The following ZNF487 variants were observed in gnomAD, a reference collection of about 807,000 sequenced individuals.
ZNF487 encodes zinc finger protein 487, also known as KRAB domain only 1.
In ZNF487, 4 loss-of-function variants were observed where a neutral mutation model predicts 3.0. The ratio of observed to expected loss-of-function variants is 1.35; its 90% CI spans 0.66 to 3.08. The LOEUF is 3.08. Among genes scored for constraint, ZNF487 ranks in the 30% most tolerant of loss-of-function variants. The pLI is 0.01. For synonymous variants in ZNF487, 55 were observed against 34.6 expected, an observed-to-expected ratio of 1.59 and a Z score of -2.06; for missense variants, 146 against 98.7, an observed-to-expected ratio of 1.48 and a Z score of -2.03.
At chr10:43,464,981 G>A (rs1163646088) in intron 1 of ZNF487, among the ~76,000 whole-genome samples, 2 of 151,622 alleles carry the variant, frequency 1.3e-5, no homozygotes, top group Non-Finnish European at 1.5e-5. Flanking sequence ...CGGATGGGGC[G>A]GCTGGCTGGG....
intron 1 of ZNF487, among the ~76,000 whole-genome samples, chr10:43,467,015 C>G (rs1362236858): frequency 6.6e-6 from 1 of 151,692 alleles, no homozygotes; most frequent in East Asian, 2.0e-4. Flanking sequence ...TTACAGGTGC[C>G]TGCTGCCACA....
the ZNF487 span, among the ~76,000 whole-genome samples, chr10:43,497,604 T>C: frequency 6.6e-6 from 1 of 152,148 alleles, no homozygotes; most frequent in African/African-American, 2.4e-5. Flanking sequence ...GGATGTTTGT[T>C]GAAGGTGTTC....
chr10:43,497,505 A>C, the ZNF487 span, among the ~76,000 whole-genome samples: 61 of 152,216 alleles, frequency 4.0e-4, no homozygotes, highest in African/African-American at 1.4e-3. Flanking sequence ...GGGAGCAGGC[A>C]GCAGTAAATC....
the ZNF487 span, among the ~76,000 whole-genome samples, chr10:43,504,979 T>TGC: frequency 1.1e-4 from 17 of 152,298 alleles, no homozygotes; most frequent in African/African-American, 4.1e-4. Context: ...GTGTTGGGAT[T>TGC]ACAGGCGTGA....
At chr10:43,522,913 T>A in the ZNF487 span, among the ~76,000 whole-genome samples, 2 of 152,184 alleles carry the variant, frequency 1.3e-5, no homozygotes, top group Non-Finnish European at 2.9e-5. Context: ...CTGGCAATTT[T>A]ACCTACTATT....
At chr10:43,498,099 ATTTTTTTTTTTTTTCTTTTT>A in the ZNF487 span, among the ~76,000 whole-genome samples, 42 of 20,122 alleles carry the variant, frequency 2.1e-3, no homozygotes, top group East Asian at 5.4e-3. Flanking sequence ...ATATATATAT[ATTTTTTTTTTTTTTCTTTTT>A]TTTTTTTTTT....
chr10:43,473,894 T>A (rs548898611), intron 1 of ZNF487, among the ~76,000 whole-genome samples: 1 of 152,192 alleles, frequency 6.6e-6, no homozygotes, highest in South Asian at 2.1e-4. Flanking sequence ...ATGCAGTGAC[T>A]TATTCCTGTA....
At chr10:43,522,823 A>G in the ZNF487 span, among the ~76,000 whole-genome samples, 3 of 152,214 alleles carry the variant, frequency 2.0e-5, no homozygotes, top group Non-Finnish European at 2.9e-5. Context: ...ACAGCAGGAG[A>G]TAAAAACCTA....
Position 43,481,533 on chromosome 10 carries a change from AATGGTGT to A in ZNF487, c.238_244del (p.Gly80Ter), listed in dbSNP as rs1841358453. On this transcript the variant is annotated frameshift_variant, in exon 4 of 4. Coordinates refer to ENST00000437590, the MANE Select transcript of ZNF487 (RefSeq NM_001355444.3). LOFTEE classifies it low-confidence loss of function (END_TRUNC). ...CAATAAAACACTGACTATGGACAGA[AATGGTGT>A]ATTAGGAAAAACATTTTCTCTTGAC... The A allele has an allele frequency of 1.4e-6, 1 of 714,592 alleles. No individual in the cohort carries two copies. Among genetic ancestry groups the A allele is most frequent in the Non-Finnish European group, 2.6e-6 (1 of 384,468 alleles). 44.3% of individuals were successfully genotyped at this position (714,592 alleles called of 1,614,324 possible). A position where few individuals can be genotyped will look rare whatever the true frequency, so the allele number is the denominator to read the frequency against.
chr10:43,464,131 C>A (rs1415322577), intron 1 of ZNF487, among the ~76,000 whole-genome samples: 1 of 151,846 alleles, frequency 6.6e-6, no homozygotes, highest in African/African-American at 2.4e-5. Context: ...CTAAATTAGG[C>A]CTCTTGTGCC....
the ZNF487 span, among the ~76,000 whole-genome samples, chr10:43,521,233 T>C: frequency 1.1e-4 from 16 of 152,298 alleles, no homozygotes; most frequent in African/African-American, 3.4e-4. Context: ...AATCCATACA[T>C]AATCCTTTTT....
intron 1 of ZNF487, among the ~76,000 whole-genome samples, chr10:43,469,290 G>A (rs1166494382): frequency 1.3e-5 from 2 of 151,824 alleles, no homozygotes; most frequent in African/African-American, 2.4e-5. Flanking sequence ...TCTGCCTCCC[G>A]GGTTCAAGCG....
chr10:43,468,741 C>G (rs1210318806), intron 1 of ZNF487, among the ~76,000 whole-genome samples: 5 of 145,166 alleles, frequency 3.4e-5, no homozygotes, highest in African/African-American at 1.3e-4. Flanking sequence ...AATCCCAGCA[C>G]CACTTTGGGA....
chr10:43,450,773 G>T (rs1839978129), intron 1 of ZNF487, among the ~76,000 whole-genome samples: 1 of 152,102 alleles, frequency 6.6e-6, no homozygotes, highest in African/African-American at 2.4e-5. Flanking sequence ...AAATTTAAGT[G>T]GCTGTGAAGT....
intron 1 of ZNF487, among the ~76,000 whole-genome samples, chr10:43,463,286 C>A (rs1201056482): frequency 6.6e-6 from 1 of 151,904 alleles, no homozygotes; most frequent in African/African-American, 2.4e-5. Flanking sequence ...GCCTGTAATC[C>A]CAGCACTTTG....
At chr10:43,469,516 A>G (rs1589044057) in intron 1 of ZNF487, among the ~76,000 whole-genome samples, 1 of 151,768 alleles carries the variant, frequency 6.6e-6, no homozygotes, top group Non-Finnish European at 1.5e-5. Flanking sequence ...TTATTTTTTT[A>G]AATAAATAAG....
rs1396188239 is a variant in ZNF487 at position 43,481,506 on chromosome 10, A to G, written c.208A>G (p.Asn70Asp). 1.4e-5 allele frequency: 10 copies of G among 716,990 alleles called. No individual in the cohort carries two copies. Among genetic ancestry groups the G allele is most frequent in the Non-Finnish European group, 2.6e-5 (10 of 384,992 alleles). The allele number at this position is 716,990 out of a possible 1,614,324, so 44.4% of individuals were successfully genotyped here. A position where few individuals can be genotyped will look rare whatever the true frequency, so the allele number is the denominator to read the frequency against. Reference protein sequence around the residue: ...DQHLQKVDFVNNKTLTMDRNG... With the variant: ...DQHLQKVDFVDNKTLTMDRNG... ...GCATTTGCAGAAAGTTGATTTTGTC[A>G]ACAATAAAACACTGACTATGGACAG... Residue 70 changes from asparagine (N) to aspartate (D), a missense_variant, in exon 4 of 4, where the codon AAC becomes GAC. Asn to Asp is a conservative substitution (Grantham distance 23). Transcript: ENST00000437590.
chr10:43,521,650 G>T, the ZNF487 span, among the ~76,000 whole-genome samples: 1 of 152,096 alleles, frequency 6.6e-6, no homozygotes, highest in African/African-American at 2.4e-5. Context: ...TCTTGATTTT[G>T]GGTTTACAAA....
chr10:43,470,500 C>T (rs189092807), intron 1 of ZNF487, among the ~76,000 whole-genome samples: 5 of 152,252 alleles, frequency 3.3e-5, no homozygotes, highest in African/African-American at 1.2e-4. Context: ...TCTCCTGCCT[C>T]AGCCTCCCAA....
Sources: allele counts gnomAD v4.1 joint callset (sites outside exome capture counted in the v4.1 genomes callset), GRCh38; gene constraint gnomAD v4.1.1; transcripts MANE v1.5; gene names NCBI Gene and HGNC (gene_info 2026-07-23, HGNC 2026-07-21).